Variants in MLXIP observed in about 807,000 individuals in gnomAD.
MLXIP encodes the protein MLX interacting protein, also known as MLX-interacting protein.
In MLXIP, 30 loss-of-function variants were observed where a neutral mutation model predicts 87.2. The ratio of observed to expected loss-of-function variants is 0.34; its 90% CI spans 0.26 to 0.47. The LOEUF (loss-of-function observed/expected upper bound fraction) is 0.47, where lower values mean the gene tolerates loss of function less well. MLXIP is among the 20% of genes least tolerant of loss of function. The probability of loss-of-function intolerance (pLI) is 1.00; values close to 1 mark genes in which losing one functional copy is unlikely to be tolerated. For missense variants in MLXIP, 1,002 were observed against 1,240.1 expected, an observed-to-expected ratio of 0.81 and a Z score of 2.88; for synonymous variants, 530 against 514.0, an observed-to-expected ratio of 1.03 and a Z score of -0.42.
intron 1 of MLXIP, among the ~76,000 whole-genome samples, chr12:122,127,037 G>A (rs941186456): frequency 3.3e-5 from 5 of 152,108 alleles, no homozygotes; most frequent in African/African-American, 1.2e-4. Flanking sequence ...AAACCCCCAC[G>A]GCCAGTCCTG....
chr12:122,104,455 A>C (rs536360426), intron 1 of MLXIP, among the ~76,000 whole-genome samples: 2 of 152,060 alleles, frequency 1.3e-5, no homozygotes, highest in Non-Finnish European at 2.9e-5. Flanking sequence ...TGCTGTCTGC[A>C]CCTGTAGTTA....
chr12:122,140,325 CT>C (rs1384949678), intron 15 of MLXIP, among the ~76,000 whole-genome samples: 6 of 152,152 alleles, frequency 3.9e-5, no homozygotes, highest in African/African-American at 1.2e-4. Flanking sequence ...AGAACAGAGT[CT>C]TGCTCTGTCA....
intron 11 of MLXIP, chr12:122,136,882 T>A (rs1219614691): frequency 6.6e-6 from 1 of 151,906 alleles, no homozygotes; most frequent in South Asian, 2.1e-4. Context: ...GTCTCCGGAG[T>A]CTCAGAACAC....
chr12:122,108,272 G>T (rs1379546627), intron 1 of MLXIP, among the ~76,000 whole-genome samples: 3 of 151,414 alleles, frequency 2.0e-5, no homozygotes, highest in Non-Finnish European at 4.4e-5. Context: ...GGAGGCTGAG[G>T]CAGGAGAATG....
chr12:122,117,469 TGCCC>T, intron 1 of MLXIP, among the ~76,000 whole-genome samples: 1 of 152,240 alleles, frequency 6.6e-6, no homozygotes, highest in Non-Finnish European at 1.5e-5. Flanking sequence ...CGATAGAGAC[TGCCC>T]TTTTGAAGCA....
chr12:122,117,203 T>A (rs770065454), intron 1 of MLXIP, among the ~76,000 whole-genome samples: 24 of 152,328 alleles, frequency 1.6e-4, no homozygotes, highest in Admixed American at 7.2e-4. Context: ...TCCAACAGGA[T>A]GTTCTTTGAA....
intron 1 of MLXIP, among the ~76,000 whole-genome samples, chr12:122,081,071 A>C (rs1952084248): frequency 6.6e-6 from 1 of 152,152 alleles, no homozygotes; most frequent in East Asian, 1.9e-4. Flanking sequence ...ACACCAAATA[A>C]TTTTAGTAAT....
intron 1 of MLXIP, among the ~76,000 whole-genome samples, chr12:122,082,516 C>T (rs1017246542): frequency 6.6e-6 from 1 of 152,140 alleles, no homozygotes; most frequent in Non-Finnish European, 1.5e-5. Context: ...AAGTAACACA[C>T]AAGAGGAGGG....
At chr12:122,116,277 A>G (rs540573841) in intron 1 of MLXIP, among the ~76,000 whole-genome samples, 10 of 114,992 alleles carry the variant, frequency 8.7e-5, no homozygotes, top group Admixed American at 6.5e-4. Context: ...TTACTTCAGA[A>G]TAAGTTTTTT....
intron 15 of MLXIP, 28 bp from the exon 16 acceptor site, chr12:122,140,926 T>A: frequency 6.2e-7 from 1 of 1,613,990 alleles, no homozygotes; most frequent in South Asian, 1.1e-5. Context: ...CTCTCCGTGC[T>A]TGCCTTTTCT....
chr12:122,121,342 G>A (rs1240626026), intron 1 of MLXIP, among the ~76,000 whole-genome samples: 1 of 132,520 alleles, frequency 7.5e-6, no homozygotes, highest in African/African-American at 2.9e-5. Flanking sequence ...TTGAGATGGA[G>A]TCTTGCTCTG....
Position 122,135,659 on chromosome 12 carries a change from A to C in MLXIP, c.2025A>C (p.Thr675=). The C allele has an allele frequency of 6.6e-7, 1 of 1,510,654 alleles. No individual in the cohort carries two copies. Among genetic ancestry groups the C allele is most frequent in the Non-Finnish European group, 8.8e-7 (1 of 1,130,172 alleles). 93.6% of individuals were successfully genotyped at this position (1,510,654 alleles called of 1,614,324 possible). The change falls in exon 11 of 17, where the codon ACA becomes ACC. Residue 675 remains threonine, a synonymous_variant. Coordinates refer to ENST00000319080, the MANE Select transcript of MLXIP (RefSeq NM_014938.6). The surrounding 1 kb of genome is among the most constrained non-coding windows in gnomAD (Gnocchi z 5.3). ...GGGGCAGCCCCCAGGTCACTGTCAC[A>C]GGGCCCAGTGAGTGTTCACTCGGCG... ...LHGGSPQVTV[T]GPSRDCPNSG...
chr12:122,128,899 C>T (rs1482925707), intron 3 of MLXIP: 7 of 537,034 alleles, frequency 1.3e-5, no homozygotes, highest in Admixed American at 6.3e-5. Context: ...GCCTCAGGAC[C>T]GTGCCCCCAA....
At chr12:122,091,884 A>G (rs1373950583) in intron 1 of MLXIP, among the ~76,000 whole-genome samples, 1 of 152,144 alleles carries the variant, frequency 6.6e-6, no homozygotes, top group Non-Finnish European at 1.5e-5. Context: ...GATTCGACAT[A>G]TTTGAAAAAC....
intron 3 of MLXIP, 46 bp downstream of exon 3, chr12:122,128,014 C>T: frequency 6.5e-7 from 1 of 1,537,192 alleles, no homozygotes; most frequent in Non-Finnish European, 9.0e-7. Flanking sequence ...AACATACCAG[C>T]ACCTCACCGG....
chr12:122,122,018 G>A (rs1685931578), intron 1 of MLXIP, among the ~76,000 whole-genome samples: 1 of 151,676 alleles, frequency 6.6e-6, no homozygotes, highest in South Asian at 2.1e-4. Context: ...AGAGGGTGAG[G>A]AGAGGGCTAG....
intron 1 of MLXIP, among the ~76,000 whole-genome samples, chr12:122,116,023 C>T (rs908605100): frequency 3.3e-5 from 5 of 150,384 alleles, no homozygotes; most frequent in Non-Finnish European, 7.4e-5. Flanking sequence ...TGCAATCCAG[C>T]CTGGGTGACA....
intron 1 of MLXIP, among the ~76,000 whole-genome samples, chr12:122,083,471 A>G (rs1169134673): frequency 2.0e-5 from 3 of 151,524 alleles, no homozygotes; most frequent in Non-Finnish European, 4.4e-5. Context: ...CTGGAGTGCA[A>G]TGGTGCGATC....
intron 1 of MLXIP, among the ~76,000 whole-genome samples, chr12:122,079,489 T>A (rs182283939): frequency 3.3e-5 from 5 of 152,270 alleles, no homozygotes; most frequent in Admixed American, 1.3e-4. Context: ...CGGGTTCACG[T>A]TCCCCATCCA....
Sources: gnomAD v4.1 joint callset for allele counts (sites outside exome capture counted in the v4.1 genomes callset) on GRCh38, gnomAD v4.1.1 for gene constraint, Gnocchi (gnomAD v3.1) non-coding constraint, MANE v1.5 for transcripts, NCBI Gene and HGNC (gene_info 2026-07-23, HGNC 2026-07-21) for gene names.